NCBP3: variants seen among roughly 807,000 people sequenced by gnomAD.
The protein encoded by NCBP3 is nuclear cap-binding protein subunit 3.
Under a neutral mutation model 75.7 loss-of-function variants are expected in NCBP3, and 20 were observed. The ratio of observed to expected loss-of-function variants is 0.26; its 90% CI spans 0.19 to 0.38. NCBP3 has a LOEUF of 0.38. Ranked by LOEUF, NCBP3 falls within the 10% of genes least tolerant of loss-of-function variation. The pLI is 1.00. For missense variants in NCBP3, 678 were observed against 796.9 expected, an observed-to-expected ratio of 0.85 and a Z score of 1.80; for synonymous variants, 293 against 290.5, an observed-to-expected ratio of 1.01 and a Z score of -0.09.
At position 3,805,382 on chromosome 17, in the gene NCBP3, GCCCTAACC is replaced by G; in HGVS notation, c.*7654_*7661del. The G allele has an allele frequency of 6.6e-6, 1 of 152,330 alleles. No individual in the cohort carries two copies. Among genetic ancestry groups the G allele is most frequent in the East Asian group, 1.9e-4 (1 of 5,186 alleles). The allele number at this position is 152,330 out of a possible 1,614,324, so 9.4% of individuals were successfully genotyped here. On this transcript the variant is annotated 3_prime_UTR_variant, in exon 13 of 13. Transcript: ENST00000389005. ...ATGTCCTCCAAATTCATATGTTGAA[GCCCTAACC>G]CCCAATGTGGCTCTTCTTGGACATA... is the stretch of plus-strand genomic sequence containing the variant.
At chr17:3,836,701 T>G (rs1162040375) in intron 3 of NCBP3, among the ~76,000 whole-genome samples, 3 of 144,662 alleles carry the variant, frequency 2.1e-5, no homozygotes, top group Non-Finnish European at 4.6e-5. Flanking sequence ...CCTTTCCAGA[T>G]AAGGAAACTG....
intron 3 of NCBP3, among the ~76,000 whole-genome samples, chr17:3,832,359 C>T (rs148070493): frequency 0.055 from 6,577 of 119,386 alleles, 1,028 homozygotes; most frequent in African/African-American, 0.15. Context: ...AATGGGCAGG[C>T]GCGGTGGCTC....
rs913752857 is a variant in NCBP3, at chr17:3,839,376, C to T, written c.355+724G>A. Among the ~76,000 whole-genome samples the T allele has an allele frequency of 2.0e-5, 3 of 152,040 alleles. No individual in the cohort carries two copies. In the East Asian group the frequency reaches 5.8e-4, roughly 29 times the overall value. ...AGAATTTTTTTTTTTAAGACAGAGT[C>T]TCGCTCTGTCGCCCAGGCTGGAGTG... On this transcript the variant is annotated intron_variant, in intron 3 of 12. Coordinates refer to ENST00000389005, the MANE Select transcript of NCBP3 (RefSeq NM_001114118.3).
chr17:3,803,467 A>T lies in NCBP3; in HGVS notation c.*9577T>A, dbSNP rs964367781. 1 of 152,226 alleles carries T rather than the reference A, an allele frequency of 6.6e-6. No homozygotes were observed. The highest frequency in any genetic ancestry group is 2.4e-5 in the African/African-American group (1 of 41,438). 9.4% of individuals were successfully genotyped at this position (152,226 alleles called of 1,614,324 possible). On this transcript the variant is annotated 3_prime_UTR_variant, in exon 13 of 13. Coordinates refer to ENST00000389005, the MANE Select transcript of NCBP3 (RefSeq NM_001114118.3). ...ATCAGAGAATATTACACATTTCCTG[A>T]ATTTGAGAACTGTACCATGGGCATG...
At position 3,840,280 on chromosome 17, in the gene NCBP3, T is replaced by C. The variant is rs1259474374; in HGVS notation, c.250-75A>G. ...TAAATCACACATGCATCATGATGCATCAGTGACAAACCTGAACTAAAAAAG... is the reference window on the plus strand; with the variant it reads ...TAAATCACACATGCATCATGATGCACCAGTGACAAACCTGAACTAAAAAAG... On this transcript the variant is annotated intron_variant, in intron 2 of 12. Coordinates refer to ENST00000389005, the MANE Select transcript of NCBP3 (RefSeq NM_001114118.3). 1.3e-5 allele frequency: 16 copies of C among 1,193,842 alleles called. No individual in the cohort carries two copies. The East Asian group carries it at 3.8e-4, about 29-fold the overall frequency. 74.0% of individuals were successfully genotyped at this position (1,193,842 alleles called of 1,614,324 possible). A position where few individuals can be genotyped will look rare whatever the true frequency, so the allele number is the denominator to read the frequency against.
Position 3,810,559 on chromosome 17 carries a change from A to C in NCBP3, c.*2485T>G, listed in dbSNP as rs1383048373. The C allele has an allele frequency of 6.6e-6, 1 of 152,238 alleles. No homozygotes were observed. Among genetic ancestry groups the C allele is most frequent in the African/African-American group, 2.4e-5 (1 of 41,454 alleles). The allele number at this position is 152,238 out of a possible 1,614,324, so 9.4% of individuals were successfully genotyped here. Reference sequence around the variant, plus strand: ...AGCTGCCTGCCACGGGCCTGTCCTGACTATCCATTCTTACTCTTAAACTCC... The same window carrying C: ...AGCTGCCTGCCACGGGCCTGTCCTGCCTATCCATTCTTACTCTTAAACTCC... On this transcript the variant is annotated 3_prime_UTR_variant, in exon 13 of 13. Coordinates refer to ENST00000389005, the MANE Select transcript of NCBP3 (RefSeq NM_001114118.3).
At chr17:3,834,635 C>T (rs1220929060) in intron 3 of NCBP3, among the ~76,000 whole-genome samples, 1 of 152,130 alleles carries the variant, frequency 6.6e-6, no homozygotes, top group East Asian at 1.9e-4. Context: ...ATTAGCCAGG[C>T]GTTGTGGCTC....
chr17:3,845,080 A>G (rs1437658753), intron 1 of NCBP3, among the ~76,000 whole-genome samples: 5 of 152,144 alleles, frequency 3.3e-5, no homozygotes, highest in Admixed American at 2.0e-4. Flanking sequence ...GGGTCTTGCT[A>G]TATTGCTGAG....
intron 2 of NCBP3, among the ~76,000 whole-genome samples, chr17:3,841,024 G>T (rs1412345291): frequency 5.9e-5 from 9 of 152,028 alleles, no homozygotes; most frequent in Admixed American, 5.9e-4. Context: ...CTCTCACTCT[G>T]TCGCCAGGCT....
Position 3,808,924 on chromosome 17 carries a change from A to G in NCBP3, c.*4120T>C, listed in dbSNP as rs1456291122. On this transcript the variant is annotated 3_prime_UTR_variant, in exon 13 of 13. Transcript: ENST00000389005. ...TAACAGAATCAGATATATATTTAAGAAAGTTCATCCTGAAGCATGTGAAAA... is the reference window on the plus strand; with the variant it reads ...TAACAGAATCAGATATATATTTAAGGAAGTTCATCCTGAAGCATGTGAAAA... The G allele has an allele frequency of 1.3e-5, 2 of 152,184 alleles. No homozygotes were observed. Among genetic ancestry groups the G allele is most frequent in the East Asian group, 1.9e-4 (1 of 5,174 alleles). The allele number at this position is 152,184 out of a possible 1,614,324, so 9.4% of individuals were successfully genotyped here.
At chr17:3,816,710 C>T (rs139127563) in intron 10 of NCBP3, among the ~76,000 whole-genome samples, 48 of 152,304 alleles carry the variant, frequency 3.2e-4, no homozygotes, top group Non-Finnish European at 5.7e-4. Flanking sequence ...AGCACCGTTC[C>T]GGCAGCATTC....
intron 1 of NCBP3, among the ~76,000 whole-genome samples, chr17:3,845,133 C>T (rs1228902258): frequency 2.6e-5 from 4 of 152,064 alleles, no homozygotes; most frequent in African/African-American, 7.2e-5. Context: ...GCACTAAAGG[C>T]GTGCACGGCC....
intron 3 of NCBP3, among the ~76,000 whole-genome samples, chr17:3,835,825 AGC>A: frequency 6.6e-6 from 1 of 152,350 alleles, no homozygotes; most frequent in African/African-American, 2.4e-5. Context: ...GTTCAAATGT[AGC>A]GAGTCACTCT....
intron 12 of NCBP3, 118 bp from the exon 13 acceptor site, chr17:3,813,397 C>G (rs1297024324): frequency 1.2e-5 from 15 of 1,250,090 alleles, no homozygotes; most frequent in African/African-American, 3.0e-5. Context: ...GTCTGTGGAG[C>G]CTGCCACCAC....
At chr17:3,836,629 G>C (rs1347572532) in intron 3 of NCBP3, among the ~76,000 whole-genome samples, 1 of 140,912 alleles carries the variant, frequency 7.1e-6, no homozygotes. Context: ...CTCCAGCCTA[G>C]GCAACAGAGT....
intron 6 of NCBP3, 148 bp from the exon 7 acceptor site, chr17:3,825,198 A>T: frequency 1.9e-6 from 1 of 527,130 alleles, no homozygotes; most frequent in Non-Finnish European, 3.3e-6. Flanking sequence ...TAACTCAGAG[A>T]TTTCCCCTGC....
chr17:3,840,040 G>A, intron 3 of NCBP3, 60 bp downstream of exon 3: 1 of 1,326,718 alleles, frequency 7.5e-7, no homozygotes, highest in Non-Finnish European at 1.1e-6. Context: ...ATGAGGTGAT[G>A]GCAGGGAAAA....
At chr17:3,835,454 C>G (rs371972711) in intron 3 of NCBP3, among the ~76,000 whole-genome samples, 3 of 152,204 alleles carry the variant, frequency 2.0e-5, no homozygotes, top group African/African-American at 7.2e-5. Flanking sequence ...GAAGGGAGAC[C>G]AGAAAGTTGC....
intron 2 of NCBP3, among the ~76,000 whole-genome samples, chr17:3,841,832 C>A (rs79688230): frequency 0.027 from 3,046 of 112,910 alleles, no homozygotes; most frequent in African/African-American, 0.036. Context: ...GACTCTGTCT[C>A]AAAAAAAAAA....
Sources: gnomAD v4.1 joint callset for allele counts (sites outside exome capture counted in the v4.1 genomes callset) on GRCh38, gnomAD v4.1.1 for gene constraint, MANE v1.5 for transcripts, NCBI Gene and HGNC (gene_info 2026-07-23, HGNC 2026-07-21) for gene names.